The following CIMIP4 variants were observed in gnomAD, a reference collection of about 807,000 sequenced individuals.
CIMIP4 encodes protein EAN57.
the CIMIP4 span, chr22:37,007,706 C>T: frequency 1.3e-5 from 2 of 152,408 alleles, no homozygotes; most frequent in Admixed American, 1.3e-4. Context: ...AGAACCCTGG[C>T]CCTTCATAAG....
the CIMIP4 span, among the ~76,000 whole-genome samples, chr22:37,003,606 G>T: frequency 6.6e-6 from 1 of 152,050 alleles, no homozygotes; most frequent in Non-Finnish European, 1.5e-5. Context: ...CTTGGCTCAC[G>T]TGTAACCCCA....
the CIMIP4 span, among the ~76,000 whole-genome samples, chr22:37,003,184 G>A: frequency 6.6e-6 from 1 of 152,256 alleles, no homozygotes; most frequent in South Asian, 2.1e-4. Context: ...TTATCTAAAT[G>A]TGGCCATGTA....
At chr22:36,997,012 T>G in the CIMIP4 span, among the ~76,000 whole-genome samples, 1 of 152,218 alleles carries the variant, frequency 6.6e-6, no homozygotes, top group Non-Finnish European at 1.5e-5. Flanking sequence ...ATTTCTGGTG[T>G]TGTTGTTCCA....
At chr22:37,004,067 CAG>C in the CIMIP4 span, 10 of 1,509,908 alleles carry the variant, frequency 6.6e-6, no homozygotes, top group Non-Finnish European at 1.8e-6. Context: ...AGATAACACA[CAG>C]AGTTTCTGTG....
At chr22:37,003,192 G>A in the CIMIP4 span, among the ~76,000 whole-genome samples, 1 of 152,260 alleles carries the variant, frequency 6.6e-6, no homozygotes, top group Non-Finnish European at 1.5e-5. Flanking sequence ...ATGTGGCCAT[G>A]TATGAGGATT....
chr22:37,002,057 G>C, the CIMIP4 span: 8 of 1,609,022 alleles, frequency 5.0e-6, no homozygotes, highest in Non-Finnish European at 6.8e-6. Context: ...CAGGGACCTG[G>C]ACTGTGGGTC....
At chr22:36,997,191 T>C in the CIMIP4 span, among the ~76,000 whole-genome samples, 1 of 152,228 alleles carries the variant, frequency 6.6e-6, no homozygotes, top group Non-Finnish European at 1.5e-5. Context: ...AATGAATCCC[T>C]ACTTCATACT....
At chr22:36,999,919 G>T in the CIMIP4 span, 1 of 1,613,856 alleles carries the variant, frequency 6.2e-7, no homozygotes, top group Non-Finnish European at 8.5e-7. Context: ...CAGGATTCTG[G>T]GTCCTGCTGG....
At chr22:36,994,072 GGTAAT>G in the CIMIP4 span, among the ~76,000 whole-genome samples, 2 of 152,160 alleles carry the variant, frequency 1.3e-5, no homozygotes, top group Non-Finnish European at 2.9e-5. Context: ...AATTCATTAA[GGTAAT>G]GTAATGATTC....
chr22:36,993,016 CTT>C, the CIMIP4 span, among the ~76,000 whole-genome samples: 15 of 136,252 alleles, frequency 1.1e-4, no homozygotes, highest in South Asian at 2.3e-4. Flanking sequence ...TTTTTTTTTT[CTT>C]TTTTTTTTTT....
chr22:37,002,625 G>A, the CIMIP4 span, among the ~76,000 whole-genome samples: 9 of 152,296 alleles, frequency 5.9e-5, no homozygotes, highest in East Asian at 1.9e-4. Flanking sequence ...CTGTGTGACC[G>A]CAAGCAAGGG....
the CIMIP4 span, among the ~76,000 whole-genome samples, chr22:36,996,657 GT>G: frequency 6.6e-6 from 1 of 152,146 alleles, no homozygotes; most frequent in Admixed American, 6.5e-5. Flanking sequence ...TCCCAACAGG[GT>G]TTTTCATGGA....
the CIMIP4 span, among the ~76,000 whole-genome samples, chr22:36,999,602 G>T: frequency 1.6e-5 from 2 of 124,324 alleles, no homozygotes; most frequent in Non-Finnish European, 3.4e-5. Flanking sequence ...GGAGGGGAGG[G>T]ACCAGAGGTG....
At chr22:37,006,562 G>A in the CIMIP4 span, among the ~76,000 whole-genome samples, 9 of 152,314 alleles carry the variant, frequency 5.9e-5, no homozygotes, top group African/African-American at 1.9e-4. Context: ...CTTAAGGAAC[G>A]ACACTGGAGG....
At chr22:37,000,054 C>T in the CIMIP4 span, 2 of 1,542,318 alleles carry the variant, frequency 1.3e-6, no homozygotes, top group East Asian at 4.5e-5. Context: ...CTCCCTCCAA[C>T]TCCTCCTCCC....
At chr22:37,004,104 C>T in the CIMIP4 span, 2 of 1,341,186 alleles carry the variant, frequency 1.5e-6, no homozygotes, top group East Asian at 5.4e-5. Context: ...GGGAGCTGAA[C>T]AGGAAGGCCT....
chr22:37,002,366 AGAG>A, the CIMIP4 span: 3 of 254,926 alleles, frequency 1.2e-5, no homozygotes, highest in African/African-American at 6.5e-5. Flanking sequence ...GGCAGAAAGT[AGAG>A]GGTGGGGAGG....
chr22:37,003,782 C>T, the CIMIP4 span, among the ~76,000 whole-genome samples: 5 of 152,174 alleles, frequency 3.3e-5, no homozygotes, highest in Non-Finnish European at 5.9e-5. Flanking sequence ...TCAGTAATTC[C>T]GTTCCCTCCT....
the CIMIP4 span, chr22:37,003,939 A>C: frequency 1.3e-5 from 20 of 1,543,044 alleles, no homozygotes; most frequent in Non-Finnish European, 1.7e-5. Flanking sequence ...ATGTGCATTC[A>C]GCACATCCCT....
Sources: allele counts gnomAD v4.1 joint callset (sites outside exome capture counted in the v4.1 genomes callset), GRCh38; gene constraint gnomAD v4.1.1; transcripts MANE v1.5; gene names NCBI Gene and HGNC (gene_info 2026-07-23, HGNC 2026-07-21).